Variants in ABCC4 observed in about 807,000 individuals in gnomAD.
ABCC4 encodes ATP binding cassette subfamily C member 4 (PEL blood group).
Under a neutral mutation model 168.5 loss-of-function variants are expected in ABCC4, and 102 were observed. The ratio of observed to expected loss-of-function variants is 0.61; its 90% CI spans 0.52 to 0.71. The LOEUF is 0.71. Among genes scored for constraint, ABCC4 ranks in the 30% least tolerant of loss-of-function variants. The pLI is 0.00. For missense variants in ABCC4, 1,402 were observed against 1,605.8 expected (o/e 0.87, Z 2.17); for synonymous variants, 617 against 590.7 (o/e 1.04, Z -0.65).
chr13:95,078,426 CAAAAGCAAG>C (rs1566398250), intron 21 of ABCC4, among the ~76,000 whole-genome samples: 1 of 22,648 alleles, frequency 4.4e-5, no homozygotes, highest in Non-Finnish European at 1.9e-4. Context: ...AAAACAAAAA[CAAAAGCAAG>C]AAAACAAAAA....
chr13:95,284,137 A>G (rs2041199346), intron 1 of ABCC4, among the ~76,000 whole-genome samples: 1 of 152,140 alleles, frequency 6.6e-6, no homozygotes, highest in Non-Finnish European at 1.5e-5. Flanking sequence ...TGAACCTGGG[A>G]GGCAGGTTTT....
intron 2 of ABCC4, 108 bp from the exon 3 acceptor site, chr13:95,247,203 G>T: frequency 7.9e-7 from 1 of 1,261,608 alleles, no homozygotes; most frequent in Non-Finnish European, 1.1e-6. Context: ...ATTTTGTGAC[G>T]ATTTCATAAA....
At chr13:95,229,687 C>A (rs2039564394) in intron 4 of ABCC4, among the ~76,000 whole-genome samples, 1 of 152,182 alleles carries the variant, frequency 6.6e-6, no homozygotes, top group Non-Finnish European at 1.5e-5. Context: ...ACAAGCCCAT[C>A]CTGATTAATG....
At chr13:95,078,555 T>C (rs115105047) in intron 21 of ABCC4, among the ~76,000 whole-genome samples, 1 of 152,220 alleles carries the variant, frequency 6.6e-6, no homozygotes, top group Non-Finnish European at 1.5e-5. Context: ...GTAAGAGGAC[T>C]GAGCTGGTGC....
At chr13:95,235,529 C>A (rs2039741809) in intron 3 of ABCC4, among the ~76,000 whole-genome samples, 2 of 152,202 alleles carry the variant, frequency 1.3e-5, no homozygotes, top group South Asian at 4.1e-4. Context: ...CCCTTGACAT[C>A]CCAGCCCACA....
intron 29 of ABCC4, among the ~76,000 whole-genome samples, chr13:95,042,518 G>A (rs778003400): frequency 1.3e-5 from 2 of 152,054 alleles, no homozygotes; most frequent in Non-Finnish European, 2.9e-5. Context: ...GGTAGGGAGG[G>A]GCCAACTGTA....
At chr13:95,167,305 A>C (rs1594219010) in intron 14 of ABCC4, among the ~76,000 whole-genome samples, 1 of 152,194 alleles carries the variant, frequency 6.6e-6, no homozygotes, top group East Asian at 1.9e-4. Flanking sequence ...CTCCTTACAA[A>C]GTCATAGAAA....
At chr13:95,071,327 A>G (rs1433320995) in intron 25 of ABCC4, among the ~76,000 whole-genome samples, 1 of 152,214 alleles carries the variant, frequency 6.6e-6, no homozygotes, top group East Asian at 1.9e-4. Flanking sequence ...GAAGGACTTG[A>G]GAAATGCAAC....
intron 18 of ABCC4, among the ~76,000 whole-genome samples, chr13:95,162,287 C>T (rs780063926): frequency 3.4e-4 from 51 of 152,224 alleles, no homozygotes; most frequent in Non-Finnish European, 4.6e-4. Flanking sequence ...AGCAAGCGAT[C>T]GATGAAATAA....
At chr13:95,290,004 G>A (rs2041350795) in intron 1 of ABCC4, among the ~76,000 whole-genome samples, 1 of 151,998 alleles carries the variant, frequency 6.6e-6, no homozygotes, top group African/African-American at 2.4e-5. Flanking sequence ...GCTAAGGCAG[G>A]AGAACTGCTT....
intron 1 of ABCC4, among the ~76,000 whole-genome samples, chr13:95,291,012 A>G (rs1487638750): frequency 3.0e-4 from 44 of 147,608 alleles, no homozygotes; most frequent in African/African-American, 1.0e-3. Context: ...AAAAAAAAAG[A>G]GGAAACCATG....
chr13:95,060,993 T>C (rs553155034), intron 26 of ABCC4, among the ~76,000 whole-genome samples: 1 of 152,218 alleles, frequency 6.6e-6, no homozygotes, highest in African/African-American at 2.4e-5. Flanking sequence ...AGGGGAACCA[T>C]CTAGTGTCTG....
At chr13:95,142,759 T>G (rs2036362899) in intron 19 of ABCC4, among the ~76,000 whole-genome samples, 1 of 152,062 alleles carries the variant, frequency 6.6e-6, no homozygotes, top group Admixed American at 6.6e-5. Flanking sequence ...AAAATCAGTG[T>G]CTCACTATAA....
At chr13:95,054,683 G>A (rs1025693784) in intron 26 of ABCC4, among the ~76,000 whole-genome samples, 1 of 152,172 alleles carries the variant, frequency 6.6e-6, no homozygotes, top group Non-Finnish European at 1.5e-5. Flanking sequence ...CACAGATGTG[G>A]GAACAAGAGA....
At chr13:95,032,025 C>T (rs1002194764) in intron 30 of ABCC4, among the ~76,000 whole-genome samples, 3 of 152,224 alleles carry the variant, frequency 2.0e-5, no homozygotes, top group Admixed American at 2.0e-4. Flanking sequence ...TACAGGGAAT[C>T]CCAAATGATT....
At chr13:95,131,411 T>C (rs531609180) in intron 19 of ABCC4, among the ~76,000 whole-genome samples, 4 of 152,140 alleles carry the variant, frequency 2.6e-5, no homozygotes, top group Non-Finnish European at 5.9e-5. Context: ...GCAGATCACC[T>C]GACGTCAGGA....
At chr13:95,051,794 G>A (rs1373436237) in intron 27 of ABCC4, among the ~76,000 whole-genome samples, 1 of 151,890 alleles carries the variant, frequency 6.6e-6, no homozygotes, top group African/African-American at 2.4e-5. Context: ...AGCCTCCTGA[G>A]TAGCTGGGGC....
chr13:95,232,599 C>G lies in ABCC4; in HGVS notation c.531+2011G>C, dbSNP rs531932362. On this transcript the variant is annotated intron_variant, in intron 4 of 30. Coordinates refer to ENST00000645237, the MANE Select transcript of ABCC4 (RefSeq NM_005845.5). Reference sequence around the variant, plus strand: ...GGCTGAGGCAGAAGAATCGCTTGAACCCGGGAGGTGGAGGTTGCAGTGAGC... The same window carrying G: ...GGCTGAGGCAGAAGAATCGCTTGAAGCCGGGAGGTGGAGGTTGCAGTGAGC... 5.3e-5 allele frequency among the ~76,000 whole-genome samples: 8 copies of G among 152,002 alleles called. No homozygotes were observed. In the South Asian group the frequency reaches 1.7e-3, roughly 32 times the overall value.
intron 30 of ABCC4, among the ~76,000 whole-genome samples, chr13:95,034,185 C>A (rs1220691012): frequency 6.6e-6 from 1 of 152,054 alleles, no homozygotes; most frequent in Non-Finnish European, 1.5e-5. Flanking sequence ...ACACTTTTTG[C>A]CCAAACTCTT....
Sources: allele counts gnomAD v4.1 joint callset (sites outside exome capture counted in the v4.1 genomes callset), GRCh38; gene constraint gnomAD v4.1.1; transcripts MANE v1.5; gene names NCBI Gene and HGNC (gene_info 2026-07-23, HGNC 2026-07-21).